The following TRMT44 variants were observed in gnomAD, a reference collection of about 807,000 sequenced individuals.
TRMT44 encodes the protein tRNA methyltransferase 44 homolog.
Under a neutral mutation model 77.3 loss-of-function variants are expected in TRMT44, and 78 were observed. The ratio of observed to expected loss-of-function variants is 1.01; its 90% confidence interval spans 0.84 to 1.22. TRMT44 has a LOEUF of 1.22. TRMT44 is among the 50% of genes most tolerant of loss of function. The probability of loss-of-function intolerance (pLI) is 0.00; values close to 1 mark genes in which losing one functional copy is unlikely to be tolerated. For missense variants in TRMT44, 1,090 were observed against 964.4 expected (o/e 1.13, Z -1.73); for synonymous variants, 391 against 383.3 (o/e 1.02, Z -0.23).
At position 8,444,401 on chromosome 4, in the gene TRMT44, CTT is replaced by C. The variant is rs1242579405; in HGVS notation, c.620-2061_620-2060del. ...TATAATGAATAATAACTTAATTGTA[CTT>C]TTTTTTTTTTTTTGAGAGTAGTCTC... On this transcript the variant is annotated intron_variant, in intron 1 of 10. Transcript: ENST00000389737. This position sits in a 1 kb window ranked among gnomAD's most constrained non-coding sequence, Gnocchi z 4.0. Among the ~76,000 whole-genome samples, 16 of 141,388 alleles carry C rather than the reference CTT, an allele frequency of 1.1e-4. No individual in the cohort carries two copies. Among genetic ancestry groups the C allele is most frequent in the Admixed American group, 2.1e-4 (3 of 14,082 alleles). 92.8% of individuals were successfully genotyped at this position (141,388 alleles called of 152,430 possible). A position where few individuals can be genotyped will look rare whatever the true frequency, so the allele number is the denominator to read the frequency against.
the TRMT44 span, chr4:8,507,291 T>A: frequency 6.6e-6 from 1 of 152,398 alleles, no homozygotes; most frequent in Non-Finnish European, 1.5e-5. Context: ...CGTGTCCACA[T>A]TGGGGAAGTG....
chr4:8,449,659 A>G lies in TRMT44; in HGVS notation c.735-10A>G, dbSNP rs574772193. 6.6e-7 allele frequency: 1 copy of G among 1,524,440 alleles called. No individual in the cohort carries two copies. The highest frequency in any genetic ancestry group is 8.8e-7 in the Non-Finnish European group (1 of 1,137,176). 94.4% of individuals were successfully genotyped at this position (1,524,440 alleles called of 1,614,324 possible). ...ATCTGTGCTTATTCATATTTCTCTT[A>G]TTTTTAAAGGTTCATATCTGTTTTA... On this transcript the variant is annotated splice_polypyrimidine_tract_variant and intron_variant, in intron 2 of 10. Coordinates refer to ENST00000389737, the MANE Select transcript of TRMT44 (RefSeq NM_152544.3).
rs777744376 is a variant in TRMT44, at chr4:8,475,873, A to G, written c.2146A>G (p.Thr716Ala). ...GAGACTGCTCTCTGAAGCCTGCAAA[A>G]CCCGCCTCTGCTGGTTCTTCATGCA... is the stretch of plus-strand genomic sequence containing the variant. ...KQRLLSEACK[T>A]RLCWFFMHHP... The change falls in exon 11 of 11, where the codon ACC (threonine) becomes GCC (alanine). Residue 716 changes from threonine to alanine, a missense_variant. Thr to Ala is a moderately conservative substitution (Grantham distance 58). Coordinates refer to ENST00000389737, the MANE Select transcript of TRMT44 (RefSeq NM_152544.3). The G allele has an allele frequency of 1.2e-6, 2 of 1,613,144 alleles. No individual in the cohort carries two copies. The highest frequency in any genetic ancestry group is 1.7e-6 in the Non-Finnish European group (2 of 1,179,860).
Position 8,465,474 on chromosome 4 carries a change from G to T in TRMT44, c.1407G>T (p.Arg469=). ...GGCAGAGTAAGAAGACTCAGTACCG[G>T]GAATACCTTGACTTCATTAAAGAAG... ...SRRQSKKTQY[R]EYLDFIKEVG... Residue 469 remains arginine, a synonymous_variant, in exon 8 of 11, where the codon CGG becomes CGT. Transcript: ENST00000389737. 6.2e-7 allele frequency: 1 copy of T among 1,614,108 alleles called. No homozygotes were observed. The highest frequency in any genetic ancestry group is 8.5e-7 in the Non-Finnish European group (1 of 1,180,028).
At chr4:8,489,460 C>CGTTTT (rs3068622) in intron 2 of TRMT44, among the ~76,000 whole-genome samples, 69,014 of 150,264 alleles carry the variant, frequency 0.46, 15,997 homozygotes, top group South Asian at 0.61. Context: ...GTTTTGTTTT[C>CGTTTT]GTTTTGTTTT....
intron 2 of TRMT44, among the ~76,000 whole-genome samples, chr4:8,447,062 G>C (rs1725103946): frequency 6.6e-6 from 1 of 152,134 alleles, no homozygotes; most frequent in South Asian, 2.1e-4. Context: ...TTTCAGTAGA[G>C]ACGGGGTTTC....
intron 9 of TRMT44, among the ~76,000 whole-genome samples, chr4:8,469,874 T>C (rs550720256): frequency 3.3e-5 from 5 of 152,360 alleles, no homozygotes; most frequent in East Asian, 3.9e-4. Flanking sequence ...CTGTGGGCCA[T>C]GTGTGGCTCT....
chr4:8,450,703 A>G (rs1162372713), intron 3 of TRMT44, among the ~76,000 whole-genome samples: 2 of 151,000 alleles, frequency 1.3e-5, no homozygotes. Flanking sequence ...GGCAGAAGGC[A>G]TTGCTGGTAG....
rs1560219220 is a variant in TRMT44 at position 8,446,462 on chromosome 4, C to G, written c.620-14C>G. On this transcript the variant is annotated splice_polypyrimidine_tract_variant and intron_variant, in intron 1 of 10. Transcript: ENST00000389737. The surrounding 1 kb of genome is among the most constrained non-coding windows in gnomAD (Gnocchi z 4.3). ...GGCAGTTGTAATTTGTCCTTCTTCT[C>G]TTTTTCTTTCCAGATGTCCTCAATG... The G allele has an allele frequency of 6.6e-7, 1 of 1,510,644 alleles. No homozygotes were observed. The highest frequency in any genetic ancestry group is 2.0e-5 in the Admixed American group (1 of 50,428). The allele number at this position is 1,510,644 out of a possible 1,614,324, so 93.6% of individuals were successfully genotyped here.
chr4:8,490,982 G>C (rs1727984094), intron 2 of TRMT44, among the ~76,000 whole-genome samples: 1 of 152,068 alleles, frequency 6.6e-6, no homozygotes, highest in Admixed American at 6.6e-5. Context: ...TAGATAGAGA[G>C]TGTCGACTGG....
At position 8,492,449 on chromosome 4, in the gene TRMT44, G is replaced by C. The variant is rs573962514; in HGVS notation, n.3892-817G>C. On this transcript the variant is annotated intron_variant and non_coding_transcript_variant, in intron 2 of 2. Coordinates refer to the TRMT44 transcript ENST00000511366. ...CAACTAACCTAACCGACTCCATCTTGCTTCTAATCTCCAAGCTGTCCTTGT... is the reference window on the plus strand; with the variant it reads ...CAACTAACCTAACCGACTCCATCTTCCTTCTAATCTCCAAGCTGTCCTTGT... 2.0e-5 allele frequency among the ~76,000 whole-genome samples: 3 copies of C among 152,262 alleles called. No homozygotes were observed. In the South Asian group the frequency reaches 6.2e-4, roughly 32 times the overall value.
downstream of TRMT44, among the ~76,000 whole-genome samples, chr4:8,480,472 T>C (rs1267153843): frequency 6.6e-6 from 1 of 152,194 alleles, no homozygotes; most frequent in Non-Finnish European, 1.5e-5. Context: ...AAGTTGTATG[T>C]ATGTTTGCCT....
At chr4:8,441,587 G>A (rs1157879651) in intron 1 of TRMT44, 146 bp downstream of exon 1, 2 of 947,166 alleles carry the variant, frequency 2.1e-6, no homozygotes, top group Non-Finnish European at 3.0e-6. Context: ...TTGAGTGGGC[G>A]CATAGAAATG....
chr4:8,484,850 G>C (rs757260420), intron 2 of TRMT44, among the ~76,000 whole-genome samples: 1 of 152,122 alleles, frequency 6.6e-6, no homozygotes, highest in African/African-American at 2.4e-5. Flanking sequence ...GAAGGGTTGG[G>C]GTTTGAGAGA....
chr4:8,464,850 C>G (rs1377868874), intron 7 of TRMT44, among the ~76,000 whole-genome samples: 1 of 152,144 alleles, frequency 6.6e-6, no homozygotes, highest in African/African-American at 2.4e-5. Context: ...GGCTGTAATT[C>G]ATCTTTTAAT....
rs188337636 is a variant in TRMT44, at chr4:8,451,477, C to T, written c.955-483C>T. Among the ~76,000 whole-genome samples, 182 of 152,272 alleles carry T rather than the reference C, an allele frequency of 1.2e-3. No homozygotes were observed. The highest frequency in any genetic ancestry group is 1.1e-3 in the Non-Finnish European group (72 of 68,012). ...TAGTGCTTTACAGTTTTCAGAGCAC[C>T]TTGATTATCCTGTGTGTTAGTTGAG... On this transcript the variant is annotated intron_variant, in intron 3 of 10. Transcript: ENST00000389737. The surrounding 1 kb of genome is among the most constrained non-coding windows in gnomAD (Gnocchi z 4.1).
chr4:8,502,331 A>G, the TRMT44 span, among the ~76,000 whole-genome samples: 1 of 152,216 alleles, frequency 6.6e-6, no homozygotes, highest in African/African-American at 2.4e-5. Flanking sequence ...CCTCTGATGA[A>G]GCAGGGGGTC....
chr4:8,443,024 A>G (rs575380522), intron 1 of TRMT44, among the ~76,000 whole-genome samples: 2 of 152,192 alleles, frequency 1.3e-5, no homozygotes, highest in East Asian at 1.9e-4. Context: ...CGGCATGGAC[A>G]CTTTTGGGAG....
chr4:8,465,455 G>T lies in TRMT44; in HGVS notation c.1388G>T (p.Ser463Ile). 1.2e-6 allele frequency: 2 copies of T among 1,614,190 alleles called. No homozygotes were observed. The highest frequency in any genetic ancestry group is 2.2e-5 in the South Asian group (2 of 91,084). Reference sequence around the variant, plus strand: ...ATTGGAAGATACTCCCGGAGGCAGAGTAAGAAGACTCAGTACCGGGAATAC... The same window carrying T: ...ATTGGAAGATACTCCCGGAGGCAGATTAAGAAGACTCAGTACCGGGAATAC... ...DFIGRYSRRQ[S>I]KKTQYREYLD... is the part of the protein sequence containing the mutation. Residue 463 changes from serine to isoleucine, a missense_variant, in exon 8 of 11, where the codon AGT (serine) becomes ATT (isoleucine). Ser to Ile is a moderately radical substitution (Grantham distance 142). Coordinates refer to ENST00000389737, the MANE Select transcript of TRMT44 (RefSeq NM_152544.3).
Sources: gnomAD v4.1 joint callset for allele counts (sites outside exome capture counted in the v4.1 genomes callset) on GRCh38, gnomAD v4.1.1 for gene constraint, Gnocchi (gnomAD v3.1) non-coding constraint, MANE v1.5 for transcripts, NCBI Gene and HGNC (gene_info 2026-07-23, HGNC 2026-07-21) for gene names.